Variants in TXLNB observed in about 807,000 individuals in gnomAD.
TXLNB encodes the protein beta-taxilin.
TXLNB carries 37 observed loss-of-function variants against 57.4 expected under a neutral mutation model. The observed-to-expected ratio is 0.64, with a 90% CI of 0.50 to 0.85. TXLNB has a LOEUF of 0.85. Ranked by LOEUF, TXLNB falls within the 40% of genes least tolerant of loss-of-function variation. The pLI is 0.00. For missense variants in TXLNB, 848 were observed against 825.6 expected (o/e 1.03, Z -0.33); for synonymous variants, 302 against 309.6 (o/e 0.98, Z 0.26).
the TXLNB span, among the ~76,000 whole-genome samples, chr6:139,201,522 A>C: frequency 1.6e-4 from 24 of 152,242 alleles, no homozygotes; most frequent in Non-Finnish European, 2.9e-4. Flanking sequence ...CCTTACAAAA[A>C]TTGACTGCTC....
intron 3 of TXLNB, among the ~76,000 whole-genome samples, chr6:139,276,291 A>G (rs1776894177): frequency 6.6e-6 from 1 of 152,250 alleles, no homozygotes; most frequent in South Asian, 2.1e-4. Flanking sequence ...TATATGTACA[A>G]AAGAAAGATT....
the TXLNB span, among the ~76,000 whole-genome samples, chr6:139,313,195 C>A: frequency 6.6e-6 from 1 of 151,928 alleles, no homozygotes; most frequent in African/African-American, 2.4e-5. Flanking sequence ...GCCTCAGCCT[C>A]CCGAGTAGCT....
chr6:139,198,093 C>CA, the TXLNB span, among the ~76,000 whole-genome samples: 2 of 152,008 alleles, frequency 1.3e-5, no homozygotes, highest in African/African-American at 2.4e-5. Flanking sequence ...AACAAACAAA[C>CA]AAAAAATCCC....
chr6:139,191,419 CAA>C, the TXLNB span, among the ~76,000 whole-genome samples: 1 of 151,372 alleles, frequency 6.6e-6, no homozygotes, highest in African/African-American at 2.4e-5. Context: ...AACTCTGTCT[CAA>C]AAAAAATAAA....
the TXLNB span, among the ~76,000 whole-genome samples, chr6:139,321,608 A>T: frequency 8.2e-4 from 64 of 78,190 alleles, no homozygotes; most frequent in Admixed American, 1.7e-3. Flanking sequence ...TTTTACATTT[A>T]TGTCTCTAGC....
At chr6:139,252,674 G>A (rs532699248) in intron 7 of TXLNB, among the ~76,000 whole-genome samples, 25 of 152,262 alleles carry the variant, frequency 1.6e-4, no homozygotes, top group African/African-American at 5.5e-4. Context: ...TTTTCCAGCG[G>A]TTCTTCAACT....
chr6:139,301,586 T>C, the TXLNB span, among the ~76,000 whole-genome samples: 1 of 152,198 alleles, frequency 6.6e-6, no homozygotes, highest in East Asian at 1.9e-4. Flanking sequence ...AAGTCTTCCA[T>C]GGGTTAGAAG....
In TXLNB at chr6:139,243,304, C is replaced by T. The variant is rs1291338766; in HGVS notation, c.1277G>A (p.Arg426Lys). The change falls in exon 10 of 10, where the codon AGA becomes AAA. Residue 426 changes from arginine (R) to lysine (K), a missense_variant. Arg to Lys is a conservative substitution (Grantham distance 26). Transcript: ENST00000358430. ...CACAAAGCACTCATATTCTTTAGCT[C>T]TCAGTGCTTTCTGTGATGTGAAAAC... ...LLDMIEEKALRAKEYECFVMK... is the reference protein window; with the variant it reads ...LLDMIEEKALKAKEYECFVMK... 8.1e-6 allele frequency: 13 copies of T among 1,608,236 alleles called. No homozygotes were observed. The highest frequency in any genetic ancestry group is 1.0e-5 in the Non-Finnish European group (12 of 1,179,154).
the TXLNB span, among the ~76,000 whole-genome samples, chr6:139,202,335 T>A: frequency 6.9e-6 from 1 of 145,568 alleles, no homozygotes; most frequent in East Asian, 1.9e-4. Flanking sequence ...AATTTCAAAC[T>A]TCAATCATTT....
chr6:139,206,881 G>A, the TXLNB span, among the ~76,000 whole-genome samples: 3 of 152,078 alleles, frequency 2.0e-5, no homozygotes, highest in Admixed American at 6.5e-5. Context: ...ACCAACAACT[G>A]TAAAAACAGA....
chr6:139,192,029 C>G, the TXLNB span, among the ~76,000 whole-genome samples: 17 of 152,224 alleles, frequency 1.1e-4, no homozygotes, highest in African/African-American at 4.1e-4. Flanking sequence ...TTGATAATCC[C>G]TTAGGAAACT....
chr6:139,309,117 G>A, the TXLNB span, among the ~76,000 whole-genome samples: 1 of 152,218 alleles, frequency 6.6e-6, no homozygotes, highest in Non-Finnish European at 1.5e-5. Flanking sequence ...GCAGGGAGCA[G>A]AGGTTATTTC....
At chr6:139,228,526 CAAAAAAAAAAA>C in the TXLNB span, among the ~76,000 whole-genome samples, 2 of 44,300 alleles carry the variant, frequency 4.5e-5, no homozygotes, top group African/African-American at 1.4e-4. Flanking sequence ...AACTCCATCT[CAAAAAAAAAAA>C]AAAAAAAAAG....
At chr6:139,277,422 CTG>C (rs1238349148) in intron 2 of TXLNB, among the ~76,000 whole-genome samples, 1 of 152,178 alleles carries the variant, frequency 6.6e-6, no homozygotes, top group East Asian at 1.9e-4. Context: ...GTTTTTTCCC[CTG>C]TGTTTTTTGT....
the TXLNB span, chr6:139,177,415 T>C: frequency 9.6e-5 from 19 of 197,304 alleles, no homozygotes; most frequent in South Asian, 2.8e-3. This position sits in a 1 kb window ranked among gnomAD's most constrained non-coding sequence, Gnocchi z 4.9. Flanking sequence ...GAATTTGTGG[T>C]TATAAACTAA....
the TXLNB span, among the ~76,000 whole-genome samples, chr6:139,323,282 GTT>G: frequency 3.7e-5 from 5 of 134,446 alleles, no homozygotes; most frequent in Admixed American, 7.6e-5. Context: ...AATTTGTTTA[GTT>G]TTTTTTTTTT....
In TXLNB at chr6:139,241,993, G is replaced by T. The variant is rs566363870; in HGVS notation, c.*533C>A. ...TGCATTTATATATACATATAGATAC[G>T]TGCATATATGTATATAAACAAATAT... On this transcript the variant is annotated 3_prime_UTR_variant, in exon 10 of 10. Coordinates refer to ENST00000358430, the MANE Select transcript of TXLNB (RefSeq NM_153235.4). 6.6e-6 allele frequency: 1 copy of T among 152,064 alleles called. No homozygotes were observed. The highest frequency in any genetic ancestry group is 3.4e-3 in the Middle Eastern group (1 of 292). 9.4% of individuals were successfully genotyped at this position (152,064 alleles called of 1,614,324 possible). A position where few individuals can be genotyped will look rare whatever the true frequency, so the allele number is the denominator to read the frequency against.
chr6:139,311,541 T>A, the TXLNB span, among the ~76,000 whole-genome samples: 1 of 151,854 alleles, frequency 6.6e-6, no homozygotes, highest in African/African-American at 2.4e-5. Context: ...GAATTTAGAG[T>A]CTGCTGTTGG....
the TXLNB span, among the ~76,000 whole-genome samples, chr6:139,217,829 A>C: frequency 2.0e-5 from 3 of 147,252 alleles, no homozygotes; most frequent in Non-Finnish European, 4.4e-5. Flanking sequence ...AGATGATGCC[A>C]CTGCACTCCA....
Sources: gnomAD v4.1 joint callset for allele counts (sites outside exome capture counted in the v4.1 genomes callset) on GRCh38, gnomAD v4.1.1 for gene constraint, Gnocchi (gnomAD v3.1) non-coding constraint, MANE v1.5 for transcripts, NCBI Gene and HGNC (gene_info 2026-07-23, HGNC 2026-07-21) for gene names.